The following OTOA variants were observed in gnomAD, a reference collection of about 807,000 sequenced individuals.
OTOA encodes the protein cancer/testis antigen 108.
In OTOA, 70 loss-of-function variants were observed where a neutral mutation model predicts 110.8. That is an observed-to-expected ratio of 0.63 (90% CI 0.52 to 0.77). The LOEUF is 0.77. OTOA is among the 30% of genes least tolerant of loss of function. The pLI is 0.00. For missense variants in OTOA, 917 were observed against 1,075.8 expected (o/e 0.85, Z 2.06); for synonymous variants, 373 against 431.5 (o/e 0.86, Z 1.68).
chr16:21,719,103 T>A (rs756196233), intron 15 of OTOA, 30 bp from the exon 16 acceptor site: 21 of 1,602,954 alleles, frequency 1.3e-5, no homozygotes, highest in Non-Finnish European at 1.8e-5. Flanking sequence ...GAGTGTGCCA[T>A]CAGTGCTAAC....
chr16:21,721,184 G>A, intron 17 of OTOA: 1 of 407,666 alleles, frequency 2.5e-6, no homozygotes, highest in South Asian at 1.7e-5. Context: ...TAAAGTGCTG[G>A]GATTACAGGC....
At chr16:21,681,129 A>G (rs1351293308) in intron 5 of OTOA, among the ~76,000 whole-genome samples, 1 of 152,148 alleles carries the variant, frequency 6.6e-6, no homozygotes, top group East Asian at 1.9e-4. Context: ...TTTTAAATGT[A>G]CATCTTTCTA....
chr16:21,714,962 C>T (rs751589041), intron 13 of OTOA, 23 bp from the exon 14 acceptor site: 2 of 1,613,768 alleles, frequency 1.2e-6, no homozygotes, highest in South Asian at 2.2e-5. Context: ...CAGAGCCTGA[C>T]TGCGCAGCCG....
rs1414727179 is a variant in OTOA, at chr16:21,736,246, T to C, written c.2302-15T>C. 1 of 1,607,266 alleles carries C rather than the reference T, an allele frequency of 6.2e-7. No homozygotes were observed. The highest frequency in any genetic ancestry group is 1.3e-5 in the African/African-American group (1 of 74,790). The stretch of plus-strand genomic sequence containing the variant: ...TTTAATTATTATTCCTCTTCTTTCA[T>C]CTTCTTTCACACAGTTTCCTGAGAT... On this transcript the variant is annotated splice_polypyrimidine_tract_variant and intron_variant, in intron 21 of 28. Coordinates refer to ENST00000646100, the MANE Select transcript of OTOA (RefSeq NM_144672.4).
intron 27 of OTOA, 103 bp from the exon 28 acceptor site, chr16:21,756,978 CA>C: frequency 4.1e-6 from 1 of 245,456 alleles, no homozygotes; most frequent in Non-Finnish European, 7.6e-6. Flanking sequence ...ACATGATACA[CA>C]CAAGGGGATG....
chr16:21,707,641 CT>C (rs1487412442), intron 12 of OTOA, among the ~76,000 whole-genome samples: 1 of 102,112 alleles, frequency 9.8e-6, no homozygotes, highest in Non-Finnish European at 2.2e-5. Flanking sequence ...TTCTTTCTTT[CT>C]TTCTTTCTTT....
chr16:21,724,914 T>C (rs1898867663), intron 18 of OTOA, among the ~76,000 whole-genome samples: 1 of 152,004 alleles, frequency 6.6e-6, no homozygotes. Flanking sequence ...GTAGCTGGGA[T>C]TACAGGTGTG....
Position 21,730,829 on chromosome 16 carries a change from C to T in OTOA, c.2208-8C>T. Reference sequence around the variant, plus strand: ...TTTTTCACTTTACTGGTTATTATCTCTTTTTAGACTCCCTCAGCACTGGAC... The same window carrying T: ...TTTTTCACTTTACTGGTTATTATCTTTTTTTAGACTCCCTCAGCACTGGAC... On this transcript the variant is annotated splice_polypyrimidine_tract_variant and splice_region_variant and intron_variant, in intron 20 of 28. Coordinates refer to ENST00000646100, the MANE Select transcript of OTOA (RefSeq NM_144672.4). 6.6e-7 allele frequency: 1 copy of T among 1,513,614 alleles called. No individual in the cohort carries two copies. Among genetic ancestry groups the T allele is most frequent in the Non-Finnish European group, 9.1e-7 (1 of 1,095,536 alleles). 93.8% of individuals were successfully genotyped at this position (1,513,614 alleles called of 1,614,324 possible).
chr16:21,675,165 T>C (rs1028188027), intron 1 of OTOA, among the ~76,000 whole-genome samples: 12 of 148,286 alleles, frequency 8.1e-5, no homozygotes, highest in African/African-American at 2.5e-4. Context: ...CTCTCTCTCT[T>C]TTTTTTTTCA....
intron 1 of OTOA, among the ~76,000 whole-genome samples, chr16:21,672,454 C>G (rs1952311110): frequency 6.6e-6 from 1 of 151,974 alleles, no homozygotes; most frequent in Non-Finnish European, 1.5e-5. Context: ...GAAACCCCAT[C>G]TCTACTAAAA....
chr16:21,666,902 C>T (rs992227368), intron 1 of OTOA, among the ~76,000 whole-genome samples: 14 of 152,220 alleles, frequency 9.2e-5, no homozygotes, highest in Admixed American at 9.2e-4. Flanking sequence ...GAAAGCAAGG[C>T]GTCTGTTTCA....
chr16:21,749,697 T>A (rs1259513471), intron 24 of OTOA, among the ~76,000 whole-genome samples: 1 of 113,516 alleles, frequency 8.8e-6, no homozygotes, highest in African/African-American at 3.5e-5. Context: ...CAGACTTTAT[T>A]TTGTGAGACA....
chr16:21,732,883 T>C (rs1296858262), intron 21 of OTOA, among the ~76,000 whole-genome samples: 2 of 138,118 alleles, frequency 1.4e-5, no homozygotes, highest in Admixed American at 1.5e-4. Context: ...TGTGATGTTT[T>C]ATTTCTTAAG....
rs538995144 is a variant in OTOA at position 21,752,452 on chromosome 16, G to A, written c.3002G>A (p.Gly1001Glu). 3.5e-5 allele frequency: 14 copies of A among 404,862 alleles called. No homozygotes were observed. Among genetic ancestry groups the A allele is most frequent in the Admixed American group, 1.6e-4 (5 of 31,448 alleles). 25.1% of individuals were successfully genotyped at this position (404,862 alleles called of 1,614,324 possible). A position where few individuals can be genotyped will look rare whatever the true frequency, so the allele number is the denominator to read the frequency against. ...AAGAGGAAGGCTGAAGTTGTGTTTG[G>A]GGATCCCACTGAGTGGACCAGTTCT... ...EFKRKAEVVFGDPTEWTSSVL... is the reference protein window; with the variant it reads ...EFKRKAEVVFEDPTEWTSSVL... The change falls in exon 26 of 29, where the codon GGG becomes GAG. Residue 1001 changes from glycine (G) to glutamate (E), a missense_variant. Coordinates refer to ENST00000646100, the MANE Select transcript of OTOA (RefSeq NM_144672.4).
chr16:21,749,833 G>A (rs1402210016), intron 24 of OTOA, among the ~76,000 whole-genome samples: 3 of 136,724 alleles, frequency 2.2e-5, no homozygotes, highest in Non-Finnish European at 4.7e-5. Flanking sequence ...ACAGGCACGT[G>A]CCACCATGCC....
intron 1 of OTOA, among the ~76,000 whole-genome samples, chr16:21,677,208 A>G (rs564317002): frequency 7.8e-4 from 119 of 152,238 alleles, no homozygotes; most frequent in Admixed American, 1.3e-3. Context: ...TTAAATACCT[A>G]GGGGTGGCAT....
chr16:21,695,518 G>A (rs1168580358), intron 9 of OTOA, among the ~76,000 whole-genome samples: 1 of 152,000 alleles, frequency 6.6e-6, no homozygotes, highest in Non-Finnish European at 1.5e-5. Flanking sequence ...CCTCTATATA[G>A]GCAAGGCAAA....
chr16:21,665,069 T>C (rs1315357521), intron 1 of OTOA, among the ~76,000 whole-genome samples: 2 of 152,172 alleles, frequency 1.3e-5, no homozygotes, highest in Non-Finnish European at 2.9e-5. Flanking sequence ...ATGCCTACTA[T>C]GCAGAGGAGG....
At position 21,682,402 on chromosome 16, in the gene OTOA, T is replaced by C. The variant is rs190852481; in HGVS notation, c.267+577T>C. On this transcript the variant is annotated intron_variant, in intron 6 of 28. Transcript: ENST00000646100. ...GTCACATCTTACTGCAAAGGAGCCA[T>C]GTACCCAACTAAAAGTTGAAGGGTT... Among the ~76,000 whole-genome samples the C allele has an allele frequency of 2.6e-5, 4 of 152,356 alleles. No individual in the cohort carries two copies. The East Asian group carries it at 5.8e-4, about 22-fold the overall frequency.
Sources: allele counts gnomAD v4.1 joint callset (sites outside exome capture counted in the v4.1 genomes callset), GRCh38; gene constraint gnomAD v4.1.1; transcripts MANE v1.5; gene names NCBI Gene and HGNC (gene_info 2026-07-23, HGNC 2026-07-21).